Variants in LAMP3 observed in about 807,000 individuals in gnomAD.
The protein encoded by LAMP3 is lysosome-associated membrane glycoprotein 3.
Under a neutral mutation model 34.8 loss-of-function variants are expected in LAMP3, and 26 were observed. The observed-to-expected ratio is 0.75, with a 90% CI of 0.55 to 1.04. The LOEUF (loss-of-function observed/expected upper bound fraction) is 1.04. LAMP3 is among the 50% of genes least tolerant of loss of function. The probability of loss-of-function intolerance (pLI) is 0.00; values close to 1 mark genes in which losing one functional copy is unlikely to be tolerated. For synonymous variants in LAMP3, 180 were observed against 201.9 expected, an observed-to-expected ratio of 0.89 and a Z score of 0.92; for missense variants, 495 against 524.0, an observed-to-expected ratio of 0.94 and a Z score of 0.54.
chr3:183,135,516 G>A (rs754264318), intron 5 of LAMP3, among the ~76,000 whole-genome samples: 2 of 152,164 alleles, frequency 1.3e-5, no homozygotes, highest in Non-Finnish European at 2.9e-5. Context: ...ACCCGCTGCG[G>A]GACAGCCGTG....
rs1719696123 is a variant in LAMP3, at chr3:183,122,591, A to C, written c.*1490T>G. ...AGCGAAGTTTCTCTATTATCAAAAA[A>C]ATTTAAAAATACTTTGAGTTTATTT... On this transcript the variant is annotated 3_prime_UTR_variant, in exon 6 of 6. Coordinates refer to ENST00000265598, the MANE Select transcript of LAMP3 (RefSeq NM_014398.4). 2 of 152,260 alleles carry C rather than the reference A, an allele frequency of 1.3e-5. No homozygotes were observed. The highest frequency in any genetic ancestry group is 6.5e-5 in the Admixed American group (1 of 15,284). 9.4% of individuals were successfully genotyped at this position (152,260 alleles called of 1,614,324 possible).
rs147003057 is a variant in LAMP3, at chr3:183,156,839, C to T, written c.50-2448G>A. Among the ~76,000 whole-genome samples, 87 of 152,154 alleles carry T rather than the reference C, an allele frequency of 5.7e-4. No homozygotes were observed. In the East Asian group the frequency reaches 0.013, roughly 23 times the overall value. On this transcript the variant is annotated intron_variant, in intron 1 of 5. Transcript: ENST00000265598. ...ATGACACAACTGGTCAAAGTTGGGG[C>T]GGAGACTTGAGCACCGGTACATCTG... is the stretch of plus-strand genomic sequence containing the variant.
intron 2 of LAMP3, 119 bp downstream of exon 2, chr3:183,153,563 A>G (rs1055348655): frequency 1.6e-6 from 1 of 620,664 alleles, no homozygotes; most frequent in Non-Finnish European, 2.7e-6. Context: ...GAGAGAGATG[A>G]GCTCACAGCT....
intron 1 of LAMP3, among the ~76,000 whole-genome samples, chr3:183,158,611 TC>T (rs1720887990): frequency 1.3e-5 from 2 of 152,002 alleles, no homozygotes; most frequent in South Asian, 4.2e-4. Context: ...AGGTTTTGGT[TC>T]CCCTACAACC....
chr3:183,145,897 G>A (rs138078181), intron 3 of LAMP3, among the ~76,000 whole-genome samples: 5 of 152,156 alleles, frequency 3.3e-5, no homozygotes, highest in East Asian at 1.9e-4. Context: ...GATTGAAAGC[G>A]GGAACTATAG....
chr3:183,132,268 A>G, intron 5 of LAMP3: 1 of 936,998 alleles, frequency 1.1e-6, no homozygotes. Flanking sequence ...ATACATTACA[A>G]TAGAGTAGGA....
intron 5 of LAMP3, chr3:183,132,507 C>G: frequency 2.8e-5 from 28 of 985,212 alleles, no homozygotes; most frequent in Non-Finnish European, 3.4e-5. Context: ...TTTTCGCTTT[C>G]TCCCTTCTCA....
At position 183,129,368 on chromosome 3, in the gene LAMP3, A is replaced by G. The variant is rs147154376; in HGVS notation, c.1118-5154T>C. ...GAAATTTCCTTAAATCTTCAAATAT[A>G]TCTTCATTCTATTTTTGAGGTCTAT... On this transcript the variant is annotated intron_variant, in intron 5 of 5. Coordinates refer to ENST00000265598, the MANE Select transcript of LAMP3 (RefSeq NM_014398.4). Among the ~76,000 whole-genome samples the G allele has an allele frequency of 3.9e-5, 6 of 152,192 alleles. No homozygotes were observed. The East Asian group carries it at 1.2e-3, about 29-fold the overall frequency.
Position 183,123,653 on chromosome 3 carries a change from GCA to G in LAMP3, c.*426_*427del, listed in dbSNP as rs1719718646. On this transcript the variant is annotated 3_prime_UTR_variant, in exon 6 of 6. Coordinates refer to ENST00000265598, the MANE Select transcript of LAMP3 (RefSeq NM_014398.4). ...AAACCATAAAACACAGATAGTAAAA[GCA>G]CTGAAAGTCCATTTGATAACAAAGC... The G allele has an allele frequency of 5.9e-6, 1 of 169,406 alleles. No individual in the cohort carries two copies. Among genetic ancestry groups the G allele is most frequent in the South Asian group, 1.4e-4 (1 of 7,094 alleles). The allele number at this position is 169,406 out of a possible 1,614,324, so 10.5% of individuals were successfully genotyped here.
intron 5 of LAMP3, chr3:183,131,965 A>G (rs1260740203): frequency 1.0e-6 from 1 of 985,308 alleles, no homozygotes; most frequent in Non-Finnish European, 1.2e-6. Context: ...AAGGGAAGTG[A>G]GTGATCCTCC....
Position 183,124,756 on chromosome 3 carries a change from C to T in LAMP3, c.1118-542G>A, listed in dbSNP as rs142997731. Among the ~76,000 whole-genome samples the T allele has an allele frequency of 4.5e-3, 678 of 151,996 alleles. 7 individuals carry two copies. The highest frequency in any genetic ancestry group is 0.016 in the African/African-American group (653 of 41,416). On this transcript the variant is annotated intron_variant, in intron 5 of 5. Transcript: ENST00000265598. ...CTGAGGCAGGAGAATTGCTTGAACC[C>T]GGGAGGCAGAGGTTGCGGTGAGCCG...
At chr3:183,124,857 A>C (rs1286355132) in intron 5 of LAMP3, among the ~76,000 whole-genome samples, 1 of 151,808 alleles carries the variant, frequency 6.6e-6, no homozygotes, top group Non-Finnish European at 1.5e-5. Context: ...AAACAAACAA[A>C]AAACATTTGT....
chr3:183,152,881 G>A lies in LAMP3; in HGVS notation c.760-378C>T, dbSNP rs111518153. Among the ~76,000 whole-genome samples, 432 of 152,224 alleles carry A rather than the reference G, an allele frequency of 2.8e-3. 2 individuals carry two copies. Among genetic ancestry groups the A allele is most frequent in the African/African-American group, 9.7e-3 (402 of 41,552 alleles). On this transcript the variant is annotated intron_variant, in intron 2 of 5. Transcript: ENST00000265598. ...TTGAAATCATTAAAGTTTGCAGAAA[G>A]AGAAAATATTATTGGCCGGGCATGG...
Position 183,154,158 on chromosome 3 carries a change from C to T in LAMP3, c.283G>A (p.Ala95Thr), listed in dbSNP as rs762332952. 8 of 1,613,714 alleles carry T rather than the reference C, an allele frequency of 5.0e-6. No homozygotes were observed. In the South Asian group the frequency reaches 8.8e-5, roughly 18 times the overall value. Reference protein sequence around the residue: ...TTTPATTKNTATTSPITYTLV... With the variant: ...TTTPATTKNTTTTSPITYTLV... ...GTGTAGGTAATTGGGCTGGTGGTTG[C>T]AGTGTTTTTTGTAGTCGCTGGGGTA... Residue 95 changes from alanine (A) to threonine (T), a missense_variant, in exon 2 of 6, where the codon GCA becomes ACA. Transcript: ENST00000265598.
chr3:183,161,293 C>T (rs967464708), intron 1 of LAMP3, among the ~76,000 whole-genome samples: 1 of 152,218 alleles, frequency 6.6e-6, no homozygotes, highest in Non-Finnish European at 1.5e-5. Context: ...CTTCACCTAG[C>T]TCACCTCTGA....
intron 5 of LAMP3, among the ~76,000 whole-genome samples, chr3:183,128,781 A>G (rs1400564634): frequency 6.6e-6 from 1 of 152,052 alleles, no homozygotes; most frequent in African/African-American, 2.4e-5. Flanking sequence ...GGCTCAAGCA[A>G]TCCTCCTGCC....
intron 1 of LAMP3, among the ~76,000 whole-genome samples, chr3:183,160,140 C>T (rs990981357): frequency 6.6e-6 from 1 of 152,186 alleles, no homozygotes; most frequent in East Asian, 1.9e-4. Context: ...TGGCTTGTGT[C>T]TTACGTGTAA....
rs762467310 is a variant in LAMP3 at position 183,135,901 on chromosome 3, A to G, written c.947-14T>C. 8.1e-6 allele frequency: 13 copies of G among 1,605,230 alleles called. No individual in the cohort carries two copies. Among genetic ancestry groups the G allele is most frequent in the Admixed American group, 3.3e-5 (2 of 59,992 alleles). ...GGTAAATTGTCTCTGAAAAGGTGACAGATAGATGCATAAGAGTCCTGAGAT... is the reference window on the plus strand; with the variant it reads ...GGTAAATTGTCTCTGAAAAGGTGACGGATAGATGCATAAGAGTCCTGAGAT... On this transcript the variant is annotated splice_polypyrimidine_tract_variant and intron_variant, in intron 4 of 5. Coordinates refer to ENST00000265598, the MANE Select transcript of LAMP3 (RefSeq NM_014398.4).
rs957297027 is a variant in LAMP3 at position 183,122,252 on chromosome 3, A to G, written c.*1829T>C. 3.3e-5 allele frequency: 5 copies of G among 152,246 alleles called. No homozygotes were observed. The highest frequency in any genetic ancestry group is 6.5e-5 in the Admixed American group (1 of 15,288). 9.4% of individuals were successfully genotyped at this position (152,246 alleles called of 1,614,324 possible). ...TTTTATTACAAAAACCTTTACTACA[A>G]TTCAATGTTTTATTAAGACTAAAGT... On this transcript the variant is annotated 3_prime_UTR_variant, in exon 6 of 6. Coordinates refer to ENST00000265598, the MANE Select transcript of LAMP3 (RefSeq NM_014398.4).
Sources: allele counts gnomAD v4.1 joint callset (sites outside exome capture counted in the v4.1 genomes callset), GRCh38; gene constraint gnomAD v4.1.1; transcripts MANE v1.5; gene names NCBI Gene and HGNC (gene_info 2026-07-23, HGNC 2026-07-21).